TGM6: variants seen among roughly 807,000 people sequenced by gnomAD.
The protein encoded by TGM6 is protein-glutamine gamma-glutamyltransferase 6.
Under a neutral mutation model 77.5 loss-of-function variants are expected in TGM6, and 74 were observed. The ratio of observed to expected loss-of-function variants is 0.96; its 90% CI spans 0.79 to 1.16. The LOEUF (loss-of-function observed/expected upper bound fraction) is 1.16. Among genes scored for constraint, TGM6 ranks in the 50% most tolerant of loss-of-function variants. The pLI, the probability that TGM6 is intolerant of heterozygous loss-of-function variation, is 0.00. For synonymous variants in TGM6, 383 were observed against 378.9 expected (o/e 1.01, Z -0.12); for missense variants, 968 against 940.2 (o/e 1.03, Z -0.39).
chr20:2,385,039 A>G (rs909857154), intron 1 of TGM6, among the ~76,000 whole-genome samples: 1 of 152,168 alleles, frequency 6.6e-6, no homozygotes, highest in Non-Finnish European at 1.5e-5. Context: ...CATCCCCTCC[A>G]TTGGGCAGTG....
At chr20:2,404,532 T>C (rs1224322036) in intron 9 of TGM6, among the ~76,000 whole-genome samples, 1 of 152,178 alleles carries the variant, frequency 6.6e-6, no homozygotes, top group Admixed American at 6.5e-5. Context: ...GAGCACAAGC[T>C]AGAGCAGTGA....
chr20:2,404,782 A>G (rs959384482), intron 9 of TGM6, among the ~76,000 whole-genome samples: 11 of 152,054 alleles, frequency 7.2e-5, no homozygotes, highest in Non-Finnish European at 1.2e-4. Flanking sequence ...CTGGGATTAC[A>G]GGTGCCCGCC....
chr20:2,423,249 C>T (rs373409662), intron 10 of TGM6, among the ~76,000 whole-genome samples: 124 of 151,784 alleles, frequency 8.2e-4, no homozygotes, highest in Middle Eastern at 3.4e-3. Flanking sequence ...CTTCCTTTCA[C>T]GAAGGATTTC....
At chr20:2,400,525 C>T (rs756303882) in intron 7 of TGM6, 81 bp downstream of exon 7, 206 of 1,590,442 alleles carry the variant, frequency 1.3e-4, no homozygotes, top group Non-Finnish European at 1.7e-4. Context: ...ATAACACCAC[C>T]AGGGAGCGGC....
chr20:2,399,768 C>T (rs1467717966), intron 6 of TGM6, 30 bp downstream of exon 6: 2 of 1,590,786 alleles, frequency 1.3e-6, no homozygotes, highest in Non-Finnish European at 1.7e-6. Flanking sequence ...CCCCAGGGTA[C>T]CTGTGCCCCC....
chr20:2,425,743 AATAC>A (rs1555801780), intron 10 of TGM6, among the ~76,000 whole-genome samples: 2 of 152,086 alleles, frequency 1.3e-5, no homozygotes, highest in Non-Finnish European at 2.9e-5. Flanking sequence ...ATATATTAGT[AATAC>A]ATATTTTGTG....
intron 10 of TGM6, among the ~76,000 whole-genome samples, chr20:2,430,105 T>C (rs1318352678): frequency 6.6e-6 from 1 of 152,164 alleles, no homozygotes; most frequent in Non-Finnish European, 1.5e-5. Flanking sequence ...GAATGGATGA[T>C]GGGCTGAGAG....
chr20:2,398,087 G>T (rs1344773035), intron 5 of TGM6, 41 bp downstream of exon 5: 1 of 1,613,992 alleles, frequency 6.2e-7, no homozygotes, highest in Admixed American at 1.7e-5. Context: ...CTTCCTCAAG[G>T]ATCCCCCAGC....
At chr20:2,411,735 A>G (rs186473944) in intron 9 of TGM6, among the ~76,000 whole-genome samples, 1 of 152,336 alleles carries the variant, frequency 6.6e-6, no homozygotes, top group East Asian at 1.9e-4. Flanking sequence ...CTGAAGTTAG[A>G]CTCTTACATT....
rs1001421853 is a variant in TGM6 at position 2,410,237 on chromosome 20, A to G, written c.1336+6414A>G. 7.2e-5 allele frequency among the ~76,000 whole-genome samples: 11 copies of G among 152,282 alleles called. No individual in the cohort carries two copies. The South Asian group carries it at 2.3e-3, about 32-fold the overall frequency. ...AGATTGAGTTTATCACCTAAGGCCT[A>G]TGATTTAATCAGTCATGCCTATGTA... On this transcript the variant is annotated intron_variant, in intron 9 of 12. Transcript: ENST00000202625.
At chr20:2,390,207 T>C (rs2084621418) in intron 1 of TGM6, among the ~76,000 whole-genome samples, 1 of 152,226 alleles carries the variant, frequency 6.6e-6, no homozygotes, top group Non-Finnish European at 1.5e-5. Flanking sequence ...TTCCTGGTGG[T>C]CTTTGGGTAG....
At chr20:2,409,499 G>A (rs994308965) in intron 9 of TGM6, among the ~76,000 whole-genome samples, 3 of 152,106 alleles carry the variant, frequency 2.0e-5, no homozygotes, top group African/African-American at 7.2e-5. Flanking sequence ...ATCACCTGAG[G>A]TCAGGAGTTC....
chr20:2,398,257 G>A (rs1447866208), intron 5 of TGM6, among the ~76,000 whole-genome samples: 2 of 152,204 alleles, frequency 1.3e-5, no homozygotes, highest in African/African-American at 4.8e-5. Flanking sequence ...CATGAGAATG[G>A]TTTGGTTCCA....
At position 2,396,612 on chromosome 20, in the gene TGM6, G is replaced by T; in HGVS notation, c.531G>T (p.Trp177Cys). 6.2e-7 allele frequency: 1 copy of T among 1,614,210 alleles called. No individual in the cohort carries two copies. The highest frequency in any genetic ancestry group is 8.5e-7 in the Non-Finnish European group (1 of 1,180,032). Residue 177 changes from tryptophan to cysteine, a missense_variant, in exon 4 of 13, where the codon TGG (tryptophan) becomes TGT (cysteine). By Grantham distance (215) the Trp-to-Cys change is radical (BLOSUM62 -2). Transcript: ENST00000202625. Reference protein sequence around the residue: ...GVEKHIRAQGWNYGQFEEDIL... With the variant: ...GVEKHIRAQGCNYGQFEEDIL... ...AGAAGCACATACGAGCCCAGGGCTG[G>T]AACTACGGGCAGGTCTCCAGGGGCA...
intron 9 of TGM6, among the ~76,000 whole-genome samples, 170 bp downstream of exon 9, chr20:2,403,993 CAT>C (rs1260891190): frequency 6.6e-6 from 1 of 152,212 alleles, no homozygotes; most frequent in Non-Finnish European, 1.5e-5. Context: ...ATTTAGGCTA[CAT>C]TAATAGCTTC....
In TGM6 at chr20:2,432,374, G is replaced by A. The variant is rs2076654; in HGVS notation, c.1968-116G>A. ...GCAAACATGTTGATAAGGCTTGAAT[G>A]TCAAGCCACAAGGTGAACTTGATCC... On this transcript the variant is annotated intron_variant, in intron 12 of 12. Transcript: ENST00000202625. 499,581 of 1,334,330 alleles carry A rather than the reference G, an allele frequency of 0.37. 98,201 individuals are homozygous for A. The highest frequency in any genetic ancestry group is 0.63 in the African/African-American group (43,128 of 68,928). 82.7% of individuals were successfully genotyped at this position (1,334,330 alleles called of 1,614,324 possible).
intron 7 of TGM6, 100 bp from the exon 8 acceptor site, chr20:2,403,297 T>A: frequency 1.6e-6 from 2 of 1,230,514 alleles, no homozygotes; most frequent in Non-Finnish European, 2.3e-6. Flanking sequence ...CAGCCACAGT[T>A]CTTGTGGAAA....
rs764261259 is a variant in TGM6 at position 2,399,721 on chromosome 20, C to T, written c.833C>T (p.Ala278Val). The T allele has an allele frequency of 2.5e-6, 4 of 1,613,966 alleles. No individual in the cohort carries two copies. The Admixed American group carries it at 6.7e-5, about 27-fold the overall frequency. Residue 278 changes from alanine to valine, a missense_variant, in exon 6 of 13, where the codon GCC becomes GTC. Transcript: ENST00000202625. ...AAGTACGGCCAGTGCTGGGTCTTCG[C>T]CGGAGTCCTGTGCACAGGTACCCTG... ...PVKYGQCWVF[A>V]GVLCTVLRCL... is the part of the protein sequence containing the mutation.
chr20:2,426,724 A>G (rs2084889924), intron 10 of TGM6, among the ~76,000 whole-genome samples: 1 of 152,162 alleles, frequency 6.6e-6, no homozygotes, highest in African/African-American at 2.4e-5. Context: ...TTTATCAGGA[A>G]TGGGTGTTGG....
Sources: allele counts gnomAD v4.1 joint callset (sites outside exome capture counted in the v4.1 genomes callset), GRCh38; gene constraint gnomAD v4.1.1; transcripts MANE v1.5; gene names NCBI Gene and HGNC (gene_info 2026-07-23, HGNC 2026-07-21).